MYH14: variants seen among roughly 807,000 people sequenced by gnomAD.
The protein encoded by MYH14 is myosin heavy chain 14.
MYH14 carries 123 observed loss-of-function variants against 255.5 expected under a neutral mutation model. That is an observed-to-expected ratio of 0.48 (90% CI 0.42 to 0.56). The LOEUF (loss-of-function observed/expected upper bound fraction) is 0.56, where lower values mean the gene tolerates loss of function less well. Among genes scored for constraint, MYH14 ranks in the 20% least tolerant of loss-of-function variants. The probability of loss-of-function intolerance (pLI) is 0.00; values close to 1 mark genes in which losing one functional copy is unlikely to be tolerated. For missense variants in MYH14, 2,423 were observed against 2,802.3 expected (o/e 0.86, Z 3.06); for synonymous variants, 1,095 against 1,161.2 (o/e 0.94, Z 1.16).
At chr19:50,279,564 C>T (rs1227300980) in intron 30 of MYH14, among the ~76,000 whole-genome samples, 4 of 152,076 alleles carry the variant, frequency 2.6e-5, no homozygotes, top group Admixed American at 6.5e-5. Flanking sequence ...ACCTGGGAGG[C>T]GGAGGTTGCA....
chr19:50,240,184 C>T (rs1278758653), intron 10 of MYH14, among the ~76,000 whole-genome samples: 1 of 152,164 alleles, frequency 6.6e-6, no homozygotes, highest in Non-Finnish European at 1.5e-5. Flanking sequence ...TTGGAGAGGC[C>T]AGTTCCACAG....
chr19:50,272,494 C>A (rs555852582), intron 26 of MYH14, 66 bp from the exon 27 acceptor site: 3 of 1,523,364 alleles, frequency 2.0e-6, no homozygotes, highest in East Asian at 2.5e-5. Flanking sequence ...GACCTGTGGT[C>A]TCTGTGAGAG....
rs564165357 is a variant in MYH14, at chr19:50,266,667, G to C, written c.2695-210G>C. On this transcript the variant is annotated intron_variant, in intron 22 of 42. Coordinates refer to ENST00000642316, the MANE Select transcript of MYH14 (RefSeq NM_001145809.2). This position sits in a 1 kb window ranked among gnomAD's most constrained non-coding sequence, Gnocchi z 4.1. ...TGGATGTGGAAGGATCCTTTAGCCA[G>C]AGAGATTAGATAGATCAATAGTGTA... is the stretch of plus-strand genomic sequence containing the variant. 1.3e-5 allele frequency among the ~76,000 whole-genome samples: 2 copies of C among 152,386 alleles called. No homozygotes were observed. The highest frequency in any genetic ancestry group is 6.5e-5 in the Admixed American group (1 of 15,306).
chr19:50,204,311 C>A (rs769583293), intron 1 of MYH14, among the ~76,000 whole-genome samples: 3 of 152,134 alleles, frequency 2.0e-5, no homozygotes, highest in Admixed American at 1.3e-4. Context: ...GTCCTTTAAC[C>A]TTTTCAGTCC....
chr19:50,211,205 G>C (rs114091288), intron 2 of MYH14, among the ~76,000 whole-genome samples: 4 of 152,100 alleles, frequency 2.6e-5, no homozygotes, highest in Non-Finnish European at 5.9e-5. Context: ...GTGGTGGCCC[G>C]TGCCTTTAGT....
Position 50,256,486 on chromosome 19 carries a change from C to T in MYH14, c.2045-813C>T, listed in dbSNP as rs1013024390. Among the ~76,000 whole-genome samples the T allele has an allele frequency of 4.6e-5, 7 of 152,218 alleles. No homozygotes were observed. In the East Asian group the frequency reaches 1.3e-3, roughly 29 times the overall value. ...TCCCAGGTTCAAGTAATTCTCCTGC[C>T]TCAGCCTTCCAAGTAGCTGGGATTA... On this transcript the variant is annotated intron_variant, in intron 17 of 42. Transcript: ENST00000642316.
At position 50,250,723 on chromosome 19, in the gene MYH14, G is replaced by A; in HGVS notation, c.1830+35G>A. 6.3e-7 allele frequency: 1 copy of A among 1,588,258 alleles called. No homozygotes were observed. Among genetic ancestry groups the A allele is most frequent in the South Asian group, 1.1e-5 (1 of 87,844 alleles). ...GGGGCCGGCCTTGGGGCATGTGGGA[G>A]TGGGGATCAAGGGATCTCCACTGGC... is the stretch of plus-strand genomic sequence containing the variant. On this transcript the variant is annotated intron_variant, in intron 15 of 42. Transcript: ENST00000642316. The surrounding 1 kb of genome is among the most constrained non-coding windows in gnomAD (Gnocchi z 5.4).
At chr19:50,263,758 A>G (rs1449890724) in intron 22 of MYH14, among the ~76,000 whole-genome samples, 1 of 152,132 alleles carries the variant, frequency 6.6e-6, no homozygotes, top group Non-Finnish European at 1.5e-5. Context: ...AAAGATACAG[A>G]TTGAAAACAG....
At chr19:50,273,634 T>C (rs1209131810) in intron 27 of MYH14, among the ~76,000 whole-genome samples, 3 of 128,758 alleles carry the variant, frequency 2.3e-5, no homozygotes, top group African/African-American at 9.7e-5. Flanking sequence ...GTGTGTGTGG[T>C]TAAGAACACG....
At chr19:50,208,317 A>C (rs2031941545) in intron 1 of MYH14, among the ~76,000 whole-genome samples, 1 of 152,174 alleles carries the variant, frequency 6.6e-6, no homozygotes, top group Non-Finnish European at 1.5e-5. Flanking sequence ...TGGGAGGCTG[A>C]GGCAGGAGAA....
intron 22 of MYH14, among the ~76,000 whole-genome samples, chr19:50,265,225 C>G (rs1384507524): frequency 6.6e-6 from 1 of 152,006 alleles, no homozygotes; most frequent in Non-Finnish European, 1.5e-5. Flanking sequence ...AGGTAAACAG[C>G]CAGAAGCTGA....
chr19:50,255,951 G>A (rs1250729326), intron 17 of MYH14, among the ~76,000 whole-genome samples: 1 of 150,916 alleles, frequency 6.6e-6, no homozygotes, highest in African/African-American at 2.4e-5. Context: ...TGCCCTAGCT[G>A]TGGGTTCCTG....
chr19:50,224,032 T>TTCCCCCTCC, intron 5 of MYH14, 122 bp from the exon 6 acceptor site: 1 of 610,332 alleles, frequency 1.6e-6, no homozygotes, highest in Non-Finnish European at 3.0e-6. Flanking sequence ...ATGCCCGGTT[T>TTCCCCCTCC]CCCCAGTCCC....
chr19:50,205,169 T>C (rs1261782636), intron 1 of MYH14, among the ~76,000 whole-genome samples: 1 of 152,140 alleles, frequency 6.6e-6, no homozygotes, highest in Admixed American at 6.5e-5. Context: ...TTTTATTAAT[T>C]TCACTGGCCG....
chr19:50,281,323 G>A (rs919257577), intron 32 of MYH14, among the ~76,000 whole-genome samples: 4 of 152,158 alleles, frequency 2.6e-5, no homozygotes, highest in Admixed American at 1.3e-4. Flanking sequence ...CTGTGACTCT[G>A]TGTCTCCCCC....
chr19:50,271,472 A>T lies in MYH14; in HGVS notation c.3097A>T (p.Thr1033Ser). The change falls in exon 25 of 43, where the codon ACG becomes TCG. Residue 1033 changes from threonine to serine, a missense_variant. Thr to Ser is a moderately conservative substitution (Grantham distance 58). Coordinates refer to ENST00000642316, the MANE Select transcript of MYH14 (RefSeq NM_001145809.2). ...GCAGAAGCTGCAGCTGGAGAAGGTG[A>T]CGACAGAGGCAAAAATGAAGAAATT... ...ARQKLQLEKVTTEAKMKKFEE... is the reference protein window; with the variant it reads ...ARQKLQLEKVSTEAKMKKFEE... The T allele has an allele frequency of 6.2e-7, 1 of 1,608,398 alleles. No individual in the cohort carries two copies. The highest frequency in any genetic ancestry group is 1.3e-5 in the African/African-American group (1 of 74,922).
chr19:50,222,346 G>A (rs1283159334), intron 3 of MYH14, among the ~76,000 whole-genome samples: 1 of 151,928 alleles, frequency 6.6e-6, no homozygotes, highest in Non-Finnish European at 1.5e-5. Flanking sequence ...TGGGCGTGGT[G>A]GTGGGCGCCT....
Position 50,232,084 on chromosome 19 carries a change from G to C in MYH14, c.1114+14G>C, listed in dbSNP as rs777088702. 1 of 1,609,212 alleles carries C rather than the reference G, an allele frequency of 6.2e-7. No individual in the cohort carries two copies. Among genetic ancestry groups the C allele is most frequent in the African/African-American group, 1.3e-5 (1 of 75,064 alleles). On this transcript the variant is annotated intron_variant, in intron 10 of 42. Coordinates refer to ENST00000642316, the MANE Select transcript of MYH14 (RefSeq NM_001145809.2). The stretch of plus-strand genomic sequence containing the variant: ...AGGAAATCATCTGTGAGTGAGCCCC[G>C]TGGAGGCCAGGGGTAGGGGGGAACC...
Position 50,268,370 on chromosome 19 carries a change from C to T in MYH14, c.3033+3C>T. 1 of 1,561,438 alleles carries T rather than the reference C, an allele frequency of 6.4e-7. No homozygotes were observed. The highest frequency in any genetic ancestry group is 8.7e-7 in the Non-Finnish European group (1 of 1,154,092). On this transcript the variant is annotated splice_donor_region_variant and intron_variant, in intron 24 of 42. Transcript: ENST00000642316. Reference sequence around the variant, plus strand: ...AGAGGCTGCAGCAGCACATACAGGTCTGGCCCCTTGCATGCCCACCAGGCC... The same window carrying T: ...AGAGGCTGCAGCAGCACATACAGGTTTGGCCCCTTGCATGCCCACCAGGCC...
Sources: allele counts gnomAD v4.1 joint callset (sites outside exome capture counted in the v4.1 genomes callset), GRCh38; gene constraint gnomAD v4.1.1; non-coding constraint Gnocchi (gnomAD v3.1); transcripts MANE v1.5; gene names NCBI Gene and HGNC (gene_info 2026-07-23, HGNC 2026-07-21).